Variants in CHIC2 observed in about 807,000 individuals in gnomAD.
The protein encoded by CHIC2 is cysteine rich hydrophobic domain 2, also known as cysteine-rich hydrophobic domain-containing protein 2.
Under a neutral mutation model 25.9 loss-of-function variants are expected in CHIC2, and 14 were observed. The ratio of observed to expected loss-of-function variants is 0.54; its 90% CI spans 0.36 to 0.85. The LOEUF (loss-of-function observed/expected upper bound fraction) is 0.85, where lower values mean the gene tolerates loss of function less well. Ranked by LOEUF, CHIC2 falls within the 40% of genes least tolerant of loss-of-function variation. The probability of loss-of-function intolerance (pLI) is 0.01; values close to 1 mark genes in which losing one functional copy is unlikely to be tolerated. For missense variants in CHIC2, 146 were observed against 202.0 expected, an observed-to-expected ratio of 0.72 and a Z score of 1.68; for synonymous variants, 70 against 72.0, an observed-to-expected ratio of 0.97 and a Z score of 0.14.
chr4:54,043,506 C>T (rs1454436016), intron 3 of CHIC2, among the ~76,000 whole-genome samples: 1 of 151,596 alleles, frequency 6.6e-6, no homozygotes, highest in Admixed American at 6.6e-5. Flanking sequence ...ATTCAACATT[C>T]TTAAAGAAAA....
In CHIC2 at chr4:54,064,142, C is replaced by T. The variant is rs1278497137; in HGVS notation, c.119+40G>A. 8.3e-6 allele frequency: 13 copies of T among 1,557,078 alleles called. No individual in the cohort carries two copies. Among genetic ancestry groups the T allele is most frequent in the East Asian group, 2.3e-5 (1 of 42,824 alleles). ...TCCCGTGGAGTAACGGGGCCCACCC[C>T]AGCCCGCACCTCCCGCCCTCGCCCT... is the stretch of plus-strand genomic sequence containing the variant. On this transcript the variant is annotated intron_variant, in intron 1 of 5. Coordinates refer to ENST00000263921, the MANE Select transcript of CHIC2 (RefSeq NM_012110.4). This position sits in a 1 kb window ranked among gnomAD's most constrained non-coding sequence, Gnocchi z 4.2.
At chr4:54,067,257 G>A (rs1717535993), upstream of CHIC2, among the ~76,000 whole-genome samples, 1 of 151,056 alleles carries the variant, frequency 6.6e-6, no homozygotes, top group South Asian at 2.1e-4. Context: ...GCAGGGAATT[G>A]CCTTTTCTTT....
rs1715536083 is a variant in CHIC2, at chr4:54,010,016, G to A, written c.*79C>T. The A allele has an allele frequency of 1.2e-6, 1 of 863,440 alleles. No homozygotes were observed. The highest frequency in any genetic ancestry group is 2.3e-5 in the Admixed American group (1 of 43,298). The allele number at this position is 863,440 out of a possible 1,614,324, so 53.5% of individuals were successfully genotyped here. On this transcript the variant is annotated 3_prime_UTR_variant, in exon 6 of 6. Coordinates refer to ENST00000263921, the MANE Select transcript of CHIC2 (RefSeq NM_012110.4). ...CACGATTCTGTAGAACCAATGTTAT[G>A]TCACCACCAGGAGAGCACCAAGCAA...
chr4:54,077,814 C>T, the CHIC2 span, among the ~76,000 whole-genome samples: 5 of 152,174 alleles, frequency 3.3e-5, no homozygotes, highest in African/African-American at 1.2e-4. Flanking sequence ...ACTGTGAGGA[C>T]CTGTTGTTCA....
intron 3 of CHIC2, among the ~76,000 whole-genome samples, chr4:54,038,599 T>C (rs763481737): frequency 1.3e-5 from 2 of 152,226 alleles, no homozygotes; most frequent in Non-Finnish European, 2.9e-5. Flanking sequence ...CCAGTGTTTC[T>C]TATAGATATT....
chr4:54,073,046 T>C, the CHIC2 span, among the ~76,000 whole-genome samples: 1 of 151,838 alleles, frequency 6.6e-6, no homozygotes, highest in Non-Finnish European at 1.5e-5. Context: ...CCAGCCTGGG[T>C]GACAGAGCGA....
chr4:54,042,693 A>AAACTAC (rs1179034504), intron 3 of CHIC2, among the ~76,000 whole-genome samples: 1 of 152,172 alleles, frequency 6.6e-6, no homozygotes, highest in Non-Finnish European at 1.5e-5. Flanking sequence ...CAAGAGCGAC[A>AAACTAC]AAATCAACTG....
intron 1 of CHIC2, among the ~76,000 whole-genome samples, chr4:54,056,885 T>C (rs184457963): frequency 8.5e-5 from 13 of 152,236 alleles, no homozygotes; most frequent in Admixed American, 8.5e-4. Context: ...CTAAAGGATA[T>C]CACATTTACG....
chr4:54,085,102 A>G, the CHIC2 span, among the ~76,000 whole-genome samples: 1 of 152,174 alleles, frequency 6.6e-6, no homozygotes, highest in Non-Finnish European at 1.5e-5. Context: ...TCACATAAAA[A>G]AGTAACAATT....
chr4:54,050,182 T>C (rs934887877), intron 1 of CHIC2, among the ~76,000 whole-genome samples: 1 of 152,156 alleles, frequency 6.6e-6, no homozygotes, highest in Non-Finnish European at 1.5e-5. Context: ...CTTTGTTTCC[T>C]TAAGAAATCA....
the CHIC2 span, among the ~76,000 whole-genome samples, chr4:54,083,018 CTTTTTTTTTTTTTTTT>C: frequency 1.5e-5 from 1 of 67,916 alleles, no homozygotes; most frequent in Admixed American, 2.2e-4. Flanking sequence ...TTCTTTCTTT[CTTTTTTTTTTTTTTTT>C]TTTTTTTTTG....
At chr4:54,070,132 G>A in the CHIC2 span, among the ~76,000 whole-genome samples, 1 of 152,188 alleles carries the variant, frequency 6.6e-6, no homozygotes. Context: ...GAGAAGAGAG[G>A]AGAAAGCTCC....
the CHIC2 span, among the ~76,000 whole-genome samples, chr4:54,089,334 ATCAGCTTGAGCCTAGGAGT>A: frequency 6.6e-6 from 1 of 151,660 alleles, no homozygotes; most frequent in Non-Finnish European, 1.5e-5. Flanking sequence ...TTATATTGTG[ATCAGCTTGAGCCTAGGAGT>A]TCAAGGCTAC....
At chr4:54,090,084 A>C in the CHIC2 span, among the ~76,000 whole-genome samples, 1 of 152,212 alleles carries the variant, frequency 6.6e-6, no homozygotes, top group Non-Finnish European at 1.5e-5. Flanking sequence ...CAAATGTTCC[A>C]AAACCATAAA....
intron 3 of CHIC2, among the ~76,000 whole-genome samples, chr4:54,038,376 C>T (rs147572049): frequency 4.5e-4 from 68 of 152,130 alleles, no homozygotes; most frequent in Admixed American, 2.2e-3. Context: ...TTTACAATAG[C>T]GCCAAACCCA....
upstream of CHIC2, among the ~76,000 whole-genome samples, chr4:54,065,070 G>A (rs1267858631): frequency 6.6e-6 from 1 of 152,222 alleles, no homozygotes; most frequent in African/African-American, 2.4e-5. Context: ...CAGGTTTTGA[G>A]TCTATGATGA....
intron 3 of CHIC2, among the ~76,000 whole-genome samples, chr4:54,032,099 T>C (rs1043675231): frequency 6.6e-6 from 1 of 152,056 alleles, no homozygotes; most frequent in Non-Finnish European, 1.5e-5. Flanking sequence ...TAAATATAAA[T>C]AAAAGCACAA....
At chr4:54,018,850 G>A (rs555839880) in intron 3 of CHIC2, among the ~76,000 whole-genome samples, 1 of 151,580 alleles carries the variant, frequency 6.6e-6, no homozygotes, top group East Asian at 1.9e-4. Flanking sequence ...TCACAAAATG[G>A]GAAAGCAAAA....
At chr4:54,054,490 G>A (rs893646410) in intron 1 of CHIC2, among the ~76,000 whole-genome samples, 11 of 152,248 alleles carry the variant, frequency 7.2e-5, no homozygotes, top group African/African-American at 2.6e-4. Context: ...GAGTTACAGT[G>A]ATATTTTTAA....
Sources: gnomAD v4.1 joint callset for allele counts (sites outside exome capture counted in the v4.1 genomes callset) on GRCh38, gnomAD v4.1.1 for gene constraint, Gnocchi (gnomAD v3.1) non-coding constraint, MANE v1.5 for transcripts, NCBI Gene and HGNC (gene_info 2026-07-23, HGNC 2026-07-21) for gene names.